VAT1L: variants seen among roughly 807,000 people sequenced by gnomAD.
VAT1L encodes vesicle amine transport 1 like.
In VAT1L, 34 loss-of-function variants were observed where a neutral mutation model predicts 44.1. The observed-to-expected ratio is 0.77, with a 90% CI of 0.59 to 1.03. VAT1L has a LOEUF of 1.03. Among genes scored for constraint, VAT1L ranks in the 50% least tolerant of loss-of-function variants. VAT1L has a pLI of 0.00. For synonymous variants in VAT1L, 253 were observed against 202.2 expected (o/e 1.25, Z -2.13); for missense variants, 615 against 538.8 (o/e 1.14, Z -1.40).
At chr16:77,896,847 C>G (rs988581155) in intron 7 of VAT1L, among the ~76,000 whole-genome samples, 2 of 152,204 alleles carry the variant, frequency 1.3e-5, no homozygotes, top group Non-Finnish European at 2.9e-5. Flanking sequence ...TTACGCCTGT[C>G]ATTCAGATGA....
chr16:77,788,588 T>A lies in VAT1L; in HGVS notation c.-95T>A, dbSNP rs183576376. 3,457 of 1,406,638 alleles carry A rather than the reference T, an allele frequency of 2.5e-3. 15 individuals carry two copies. The highest frequency in any genetic ancestry group is 7.1e-3 in the South Asian group (543 of 76,938). 87.1% of individuals were successfully genotyped at this position (1,406,638 alleles called of 1,614,324 possible). Reference sequence around the variant, plus strand: ...CATTGCACAGCCGAGCATCCCACATTCAACAGGAGGAACCCGCGGGAGAGG... The same window carrying A: ...CATTGCACAGCCGAGCATCCCACATACAACAGGAGGAACCCGCGGGAGAGG... On this transcript the variant is annotated 5_prime_UTR_variant, in exon 1 of 9. Coordinates refer to ENST00000302536, the MANE Select transcript of VAT1L (RefSeq NM_020927.3).
intron 7 of VAT1L, among the ~76,000 whole-genome samples, chr16:77,922,688 T>C (rs951115240): frequency 3.3e-5 from 5 of 152,168 alleles, no homozygotes; most frequent in Non-Finnish European, 7.3e-5. Context: ...CCTGGCAGTG[T>C]TTTAGGCACT....
At chr16:77,933,918 A>T (rs982865141) in intron 7 of VAT1L, among the ~76,000 whole-genome samples, 2 of 152,172 alleles carry the variant, frequency 1.3e-5, no homozygotes, top group Non-Finnish European at 2.9e-5. Flanking sequence ...AATCTGGAAA[A>T]TTTCTAGCCA....
At chr16:77,863,006 C>A in intron 4 of VAT1L, 116 bp downstream of exon 4, 1 of 1,320,388 alleles carries the variant, frequency 7.6e-7, no homozygotes, top group Non-Finnish European at 1.0e-6. Flanking sequence ...ATATTGGGGG[C>A]TTAGTATTAT....
intron 3 of VAT1L, among the ~76,000 whole-genome samples, chr16:77,836,473 AG>A (rs756433923): frequency 9.9e-5 from 15 of 152,274 alleles, no homozygotes; most frequent in South Asian, 2.1e-4. Context: ...ATCAGCAGGA[AG>A]GGCTATGGCT....
intron 7 of VAT1L, among the ~76,000 whole-genome samples, chr16:77,914,394 T>G (rs2017530139): frequency 6.6e-6 from 1 of 152,234 alleles, no homozygotes; most frequent in South Asian, 2.1e-4. Flanking sequence ...AACCCCACTT[T>G]CAGTTATGTC....
At chr16:77,856,786 C>T (rs987386201) in intron 3 of VAT1L, among the ~76,000 whole-genome samples, 1 of 152,084 alleles carries the variant, frequency 6.6e-6, no homozygotes, top group Non-Finnish European at 1.5e-5. Context: ...GGCAAAGACC[C>T]GAAGTTGTCT....
At chr16:77,825,215 C>A in intron 2 of VAT1L, 31 bp from the exon 3 acceptor site, 1 of 1,610,322 alleles carries the variant, frequency 6.2e-7, no homozygotes, top group Non-Finnish European at 8.5e-7. Context: ...ATGAGGTAGC[C>A]TCCACTAACT....
intron 7 of VAT1L, among the ~76,000 whole-genome samples, chr16:77,945,212 G>T (rs1363093936): frequency 6.7e-6 from 1 of 149,260 alleles, no homozygotes; most frequent in African/African-American, 2.5e-5. Context: ...AAAAAACATG[G>T]CTTGTGGTAT....
intron 1 of VAT1L, among the ~76,000 whole-genome samples, chr16:77,808,764 T>G (rs547864826): frequency 6.6e-6 from 1 of 151,956 alleles, no homozygotes; most frequent in African/African-American, 2.4e-5. Context: ...CCTGGCTAAT[T>G]TTTTGTATTT....
In VAT1L at chr16:77,962,739, A is replaced by G. The variant is rs12922878; in HGVS notation, c.1078-9111A>G. ...CTCTACAAAAGAAGGAAAGAAGGAA[A>G]GAAGGAAGGAAGGAAGGAAGGAAGG... On this transcript the variant is annotated intron_variant, in intron 7 of 8. Coordinates refer to ENST00000302536, the MANE Select transcript of VAT1L (RefSeq NM_020927.3). 3.2e-3 allele frequency among the ~76,000 whole-genome samples: 409 copies of G among 129,384 alleles called. 2 individuals carry two copies. The highest frequency in any genetic ancestry group is 7.1e-3 in the East Asian group (31 of 4,390). The allele number at this position is 129,384 out of a possible 152,430, so 84.9% of individuals were successfully genotyped here.
At chr16:77,895,348 A>G (rs1247789295) in intron 7 of VAT1L, among the ~76,000 whole-genome samples, 5 of 27,612 alleles carry the variant, frequency 1.8e-4, no homozygotes, top group Non-Finnish European at 6.5e-4. Flanking sequence ...TAATCCCTAG[A>G]ATATTTGAAC....
intron 1 of VAT1L, among the ~76,000 whole-genome samples, chr16:77,814,308 C>T (rs1021209355): frequency 1.3e-5 from 2 of 152,176 alleles, no homozygotes; most frequent in African/African-American, 4.8e-5. Flanking sequence ...ACTGACCTGT[C>T]CTAGTCTCCG....
At chr16:77,793,520 G>C (rs1355946022) in intron 1 of VAT1L, among the ~76,000 whole-genome samples, 2 of 152,192 alleles carry the variant, frequency 1.3e-5, no homozygotes, top group East Asian at 1.9e-4. Flanking sequence ...GTGTCTCTTA[G>C]ACCGGGGCTG....
At chr16:77,898,277 C>T (rs998945563) in intron 7 of VAT1L, among the ~76,000 whole-genome samples, 13 of 152,040 alleles carry the variant, frequency 8.6e-5, no homozygotes, top group Non-Finnish European at 5.9e-5. Context: ...AATAAGGTTG[C>T]GATGGAGTTG....
At chr16:77,934,162 C>G (rs1373232822) in intron 7 of VAT1L, among the ~76,000 whole-genome samples, 1 of 151,980 alleles carries the variant, frequency 6.6e-6, no homozygotes, top group Non-Finnish European at 1.5e-5. Context: ...TCATTAGATT[C>G]AGGATATATT....
chr16:77,865,090 C>T (rs906128389), intron 4 of VAT1L, among the ~76,000 whole-genome samples: 12 of 150,864 alleles, frequency 8.0e-5, no homozygotes, highest in Non-Finnish European at 1.2e-4. Context: ...TCTCCTGCCT[C>T]AGCCTCCCGA....
At chr16:77,946,276 G>GTTTTTTT (rs1597114758) in intron 7 of VAT1L, among the ~76,000 whole-genome samples, 42 of 33,846 alleles carry the variant, frequency 1.2e-3, no homozygotes, top group East Asian at 4.6e-3. Context: ...TAGGTTACTT[G>GTTTTTTT]TTCTTTTTTT....
chr16:77,827,803 A>C (rs1567479868), intron 3 of VAT1L, among the ~76,000 whole-genome samples: 2 of 152,354 alleles, frequency 1.3e-5, no homozygotes, highest in Admixed American at 1.3e-4. Flanking sequence ...CTCATAAGAA[A>C]TGTATGGTGA....
Sources: allele counts gnomAD v4.1 joint callset (sites outside exome capture counted in the v4.1 genomes callset), GRCh38; gene constraint gnomAD v4.1.1; transcripts MANE v1.5; gene names NCBI Gene and HGNC (gene_info 2026-07-23, HGNC 2026-07-21).